Variants in CELF2 observed in about 807,000 individuals in gnomAD.
CELF2 encodes the protein CUG triplet repeat RNA-binding protein 2.
Under a neutral mutation model 62.6 loss-of-function variants are expected in CELF2, and 8 were observed. The ratio of observed to expected loss-of-function variants is 0.13; its 90% CI spans 0.07 to 0.23. CELF2 has a LOEUF of 0.23. CELF2 is among the 10% of genes least tolerant of loss of function. The pLI is 1.00. For synonymous variants in CELF2, 258 were observed against 250.0 expected (o/e 1.03, Z -0.30); for missense variants, 333 against 671.0 (o/e 0.50, Z 5.56).
the CELF2 span, among the ~76,000 whole-genome samples, chr10:10,670,394 G>T: frequency 1.3e-5 from 2 of 152,104 alleles, no homozygotes; most frequent in Non-Finnish European, 2.9e-5. Flanking sequence ...TTAACAAAAT[G>T]AAAATAAGGT....
intron 1 of CELF2, among the ~76,000 whole-genome samples, chr10:10,815,167 G>A (rs192496741): frequency 8.9e-4 from 135 of 152,206 alleles, no homozygotes; most frequent in African/African-American, 3.1e-3. Context: ...AAACCCTCTG[G>A]AGCCCCTGCC....
intron 1 of CELF2, among the ~76,000 whole-genome samples, chr10:10,819,664 G>T (rs1337072696): frequency 6.6e-6 from 1 of 152,028 alleles, no homozygotes; most frequent in Non-Finnish European, 1.5e-5. Context: ...TGCATACCTA[G>T]GCCTTTATCT....
intron 2 of CELF2, among the ~76,000 whole-genome samples, chr10:11,171,012 C>T (rs921190064): frequency 7.9e-5 from 12 of 152,194 alleles, no homozygotes; most frequent in Non-Finnish European, 1.8e-4. Context: ...TCAGTCCTAA[C>T]CAAATGTCTT....
intron 1 of CELF2, among the ~76,000 whole-genome samples, chr10:11,050,210 C>T (rs1455994804): frequency 1.3e-5 from 2 of 152,138 alleles, no homozygotes; most frequent in African/African-American, 2.4e-5. Flanking sequence ...AAGAAGAGAA[C>T]AGTATTTGTG....
chr10:10,488,449 T>A, the CELF2 span, among the ~76,000 whole-genome samples: 1 of 152,144 alleles, frequency 6.6e-6, no homozygotes, highest in African/African-American at 2.4e-5. Flanking sequence ...AGGTGATTTG[T>A]GGAGAATGCT....
intron 2 of CELF2, among the ~76,000 whole-genome samples, chr10:10,949,344 C>A (rs1015828318): frequency 2.6e-5 from 4 of 152,102 alleles, no homozygotes; most frequent in African/African-American, 4.8e-5. Flanking sequence ...TCCAGTGGGG[C>A]TGTGCCTCTA....
chr10:11,233,387 T>C (rs189200061), intron 3 of CELF2, among the ~76,000 whole-genome samples: 3 of 152,190 alleles, frequency 2.0e-5, no homozygotes, highest in African/African-American at 4.8e-5. Flanking sequence ...TGCCCCGAGT[T>C]CTGTTTTCAC....
chr10:11,153,542 T>A (rs1420206690), intron 1 of CELF2, among the ~76,000 whole-genome samples: 1 of 152,194 alleles, frequency 6.6e-6, no homozygotes. Context: ...GCTTTGTGTG[T>A]GTAGGAGTAA....
chr10:10,516,311 G>A, the CELF2 span, among the ~76,000 whole-genome samples: 1 of 152,054 alleles, frequency 6.6e-6, no homozygotes, highest in Non-Finnish European at 1.5e-5. Context: ...TTCCATATTA[G>A]CTTGTCATCT....
the CELF2 span, among the ~76,000 whole-genome samples, chr10:10,538,011 G>A: frequency 1.3e-5 from 2 of 152,078 alleles, no homozygotes; most frequent in Non-Finnish European, 2.9e-5. Context: ...GAATGAGGAG[G>A]GTTATGGGCA....
the CELF2 span, among the ~76,000 whole-genome samples, chr10:10,586,873 T>C: frequency 6.6e-6 from 1 of 152,320 alleles, no homozygotes; most frequent in South Asian, 2.1e-4. Context: ...AGGTGGATTG[T>C]ATACGGCAGC....
intron 1 of CELF2, among the ~76,000 whole-genome samples, chr10:11,025,648 C>T (rs1438136987): frequency 1.3e-5 from 2 of 152,200 alleles, no homozygotes; most frequent in Non-Finnish European, 2.9e-5. Flanking sequence ...TGAAAATGGA[C>T]TAATACAGCA....
intron 2 of CELF2, among the ~76,000 whole-genome samples, chr10:10,943,440 T>C (rs1182282291): frequency 2.0e-5 from 3 of 152,168 alleles, no homozygotes; most frequent in Non-Finnish European, 2.9e-5. Context: ...TGCATATTTC[T>C]TACAAGGATG....
At chr10:10,472,302 T>C in the CELF2 span, among the ~76,000 whole-genome samples, 11 of 151,964 alleles carry the variant, frequency 7.2e-5, no homozygotes, top group African/African-American at 2.4e-4. Flanking sequence ...ATTCTTCAAA[T>C]TGGGTAATTT....
chr10:11,165,192 C>T lies in CELF2; in HGVS notation c.75-294C>T, dbSNP rs373347074. The T allele has an allele frequency of 3.2e-6, 4 of 1,237,062 alleles. No individual in the cohort carries two copies. In the African/African-American group the frequency reaches 5.0e-5, roughly 16 times the overall value. 76.6% of individuals were successfully genotyped at this position (1,237,062 alleles called of 1,614,324 possible). A position where few individuals can be genotyped will look rare whatever the true frequency, so the allele number is the denominator to read the frequency against. On this transcript the variant is annotated intron_variant, in intron 1 of 12. Coordinates refer to ENST00000633077, the MANE Select transcript of CELF2 (RefSeq NM_001326342.2). The surrounding 1 kb of genome is among the most constrained non-coding windows in gnomAD (Gnocchi z 7.4). ...TAGACCTGCACTTAACTTGCAGCTG[C>T]CTCCCGAGCCTCCAAGATGTCCACG... is the stretch of plus-strand genomic sequence containing the variant.
rs1190389333 is a variant in CELF2 at position 11,243,903 on chromosome 10, G to A, written c.355-5250G>A. 1.3e-5 allele frequency among the ~76,000 whole-genome samples: 2 copies of A among 152,194 alleles called. No individual in the cohort carries two copies. Among genetic ancestry groups the A allele is most frequent in the Non-Finnish European group, 2.9e-5 (2 of 68,026 alleles). ...ATTCTGGAAGATCGTGTACTCCCTT[G>A]TCATAGACAGAGGAAGGAGGTGGCC... On this transcript the variant is annotated intron_variant, in intron 3 of 12. Transcript: ENST00000633077. This position sits in a 1 kb window ranked among gnomAD's most constrained non-coding sequence, Gnocchi z 4.1.
chr10:10,619,337 A>T, the CELF2 span, among the ~76,000 whole-genome samples: 1 of 152,218 alleles, frequency 6.6e-6, no homozygotes, highest in Non-Finnish European at 1.5e-5. Context: ...TGTAGTAGGT[A>T]GTAGTAGGTA....
rs2093872445 is a variant in CELF2 at position 11,302,626 on chromosome 10, A to G, written c.977-11513A>G. On this transcript the variant is annotated intron_variant, in intron 9 of 12. Coordinates refer to ENST00000633077, the MANE Select transcript of CELF2 (RefSeq NM_001326342.2). The surrounding 1 kb of genome is among the most constrained non-coding windows in gnomAD (Gnocchi z 5.0). ...CACAACTGTGGTCTTTTTCTTGGTGACTTTCTCTGTGATCTGGTCATTTAG... is the reference window on the plus strand; with the variant it reads ...CACAACTGTGGTCTTTTTCTTGGTGGCTTTCTCTGTGATCTGGTCATTTAG... Among the ~76,000 whole-genome samples the G allele has an allele frequency of 6.6e-6, 1 of 152,108 alleles. No individual in the cohort carries two copies. The highest frequency in any genetic ancestry group is 2.4e-5 in the African/African-American group (1 of 41,410).
chr10:10,864,428 G>A (rs1213128018), intron 1 of CELF2, among the ~76,000 whole-genome samples: 1 of 152,046 alleles, frequency 6.6e-6, no homozygotes, highest in Admixed American at 6.6e-5. Context: ...ATCAGCTCAG[G>A]CTGCCGTAAC....
Sources: gnomAD v4.1 joint callset for allele counts (sites outside exome capture counted in the v4.1 genomes callset) on GRCh38, gnomAD v4.1.1 for gene constraint, Gnocchi (gnomAD v3.1) non-coding constraint, MANE v1.5 for transcripts, NCBI Gene and HGNC (gene_info 2026-07-23, HGNC 2026-07-21) for gene names.